The following CDH7 variants were observed in gnomAD, a reference collection of about 807,000 sequenced individuals.
CDH7 encodes cadherin-7.
CDH7 carries 25 observed loss-of-function variants against 71.8 expected under a neutral mutation model. The observed-to-expected ratio is 0.35, with a 90% CI of 0.25 to 0.49. CDH7 has a LOEUF of 0.49. Among genes scored for constraint, CDH7 ranks in the 20% least tolerant of loss-of-function variants. The pLI is 0.99. For synonymous variants in CDH7, 381 were observed against 363.8 expected (o/e 1.05, Z -0.54); for missense variants, 862 against 974.6 (o/e 0.88, Z 1.54).
At chr18:65,760,166 A>G (rs546627253) in intron 1 of CDH7, among the ~76,000 whole-genome samples, 2 of 152,262 alleles carry the variant, frequency 1.3e-5, no homozygotes, top group East Asian at 3.9e-4. Context: ...TTAAAAATAC[A>G]TTTTTGATTG....
rs145053744 is a variant in CDH7 at position 65,817,815 on chromosome 18, C to G, written c.625+3211C>G. Reference sequence around the variant, plus strand: ...TTATATGAAATTCATTTATAATTTGCATTGCAGTATTTAAACTATTATCAT... The same window carrying G: ...TTATATGAAATTCATTTATAATTTGGATTGCAGTATTTAAACTATTATCAT... On this transcript the variant is annotated intron_variant, in intron 4 of 11. Transcript: ENST00000397968. 2.8e-3 allele frequency among the ~76,000 whole-genome samples: 419 copies of G among 152,236 alleles called. 4 individuals are homozygous for G. The highest frequency in any genetic ancestry group is 9.6e-3 in the African/African-American group (397 of 41,544).
chr18:65,781,823 T>TTCC (rs1910227839), intron 2 of CDH7, among the ~76,000 whole-genome samples: 3 of 35,598 alleles, frequency 8.4e-5, no homozygotes, highest in Admixed American at 2.9e-4. Context: ...TCCTTCCTTC[T>TTCC]TTCTTTCTTT....
At chr18:65,789,471 GTTTGTTTTTT>G (rs1291098073) in intron 2 of CDH7, among the ~76,000 whole-genome samples, 1 of 115,076 alleles carries the variant, frequency 8.7e-6, no homozygotes, top group African/African-American at 5.5e-5. Flanking sequence ...CTATTTTTTT[GTTTGTTTTTT>G]TTTGTTTGTT....
At chr18:65,879,492 GT>G (rs1346287278) in intron 11 of CDH7, among the ~76,000 whole-genome samples, 6 of 152,092 alleles carry the variant, frequency 3.9e-5, no homozygotes, top group African/African-American at 1.4e-4. Flanking sequence ...TTTCATTGTA[GT>G]TTAGTTGAAG....
At chr18:65,778,827 A>G (rs1037059352) in intron 2 of CDH7, among the ~76,000 whole-genome samples, 4 of 151,866 alleles carry the variant, frequency 2.6e-5, no homozygotes, top group Non-Finnish European at 5.9e-5. Context: ...ACGTCCCCAC[A>G]AAACACACTC....
intron 1 of CDH7, among the ~76,000 whole-genome samples, chr18:65,754,271 T>G (rs1915970447): frequency 6.6e-6 from 1 of 152,186 alleles, no homozygotes; most frequent in African/African-American, 2.4e-5. Context: ...TCTTTCTGTG[T>G]TTGATAACCA....
chr18:65,850,580 TTTATTATTA>T (rs138534553), intron 7 of CDH7, among the ~76,000 whole-genome samples: 2,045 of 147,732 alleles, frequency 0.014, 43 homozygotes, highest in African/African-American at 0.039. Context: ...CTGCAGAGGT[TTTATTATTA>T]TTATTATTAT....
At chr18:65,823,675 G>A in intron 5 of CDH7, among the ~76,000 whole-genome samples, 1 of 151,876 alleles carries the variant, frequency 6.6e-6, no homozygotes, top group East Asian at 1.9e-4. Flanking sequence ...TATTCACAAA[G>A]TCTAGAAAAT....
Position 65,781,986 on chromosome 18 carries a change from CTT to C in CDH7, c.210+18936_210+18937del, listed in dbSNP as rs1568182090. ...TTTCTCTCTCTCTCTCTCTCTCTCT[CTT>C]TCTCTCTTTCTCTCTTTCTCTCTTT... On this transcript the variant is annotated intron_variant, in intron 2 of 11. Transcript: ENST00000397968. Among the ~76,000 whole-genome samples, 12 of 73,464 alleles carry C rather than the reference CTT, an allele frequency of 1.6e-4. 1 individual carries two copies. The highest frequency in any genetic ancestry group is 4.9e-4 in the African/African-American group (5 of 10,298). 48.2% of individuals were successfully genotyped at this position (73,464 alleles called of 152,430 possible).
rs1914242744 is a variant in CDH7 at position 65,881,906 on chromosome 18, T to A, written c.*1012T>A. 1 of 152,150 alleles carries A rather than the reference T, an allele frequency of 6.6e-6. No individual in the cohort carries two copies. The highest frequency in any genetic ancestry group is 1.5e-5 in the Non-Finnish European group (1 of 68,020). 9.4% of individuals were successfully genotyped at this position (152,150 alleles called of 1,614,324 possible). ...GAGCACAGCTACAAGGACATATAAA[T>A]TGTTCTTCTGAGCCATTAGAATGTC... On this transcript the variant is annotated 3_prime_UTR_variant, in exon 12 of 12. Transcript: ENST00000397968.
intron 2 of CDH7, among the ~76,000 whole-genome samples, chr18:65,782,116 T>G (rs369797992): frequency 2.2e-5 from 1 of 45,204 alleles, no homozygotes; most frequent in African/African-American, 2.0e-4. Context: ...CCTTCTTTCT[T>G]TCTTTCTTTC....
At chr18:65,825,728 G>A (rs1443734605) in intron 6 of CDH7, among the ~76,000 whole-genome samples, 4 of 151,684 alleles carry the variant, frequency 2.6e-5, no homozygotes, top group African/African-American at 9.7e-5. Flanking sequence ...TTTGTTATAG[G>A]AAAACATATG....
chr18:65,847,666 C>A (rs1006320353), intron 7 of CDH7, among the ~76,000 whole-genome samples: 22 of 152,030 alleles, frequency 1.4e-4, no homozygotes, highest in Admixed American at 1.1e-3. Context: ...GACTGGGGCA[C>A]CTATATGACT....
intron 5 of CDH7, 117 bp downstream of exon 5, chr18:65,822,365 TTC>T: frequency 1.3e-6 from 1 of 752,088 alleles, no homozygotes; most frequent in Non-Finnish European, 2.1e-6. Flanking sequence ...TCTTACTTCA[TTC>T]TCTCAAATTT....
rs1914394659 is a variant in CDH7, at chr18:65,887,236, A to G, written c.*6342A>G. The G allele has an allele frequency of 2.6e-5, 4 of 152,130 alleles. No homozygotes were observed. The highest frequency in any genetic ancestry group is 2.6e-4 in the Admixed American group (4 of 15,264). The allele number at this position is 152,130 out of a possible 1,614,324, so 9.4% of individuals were successfully genotyped here. ...ATCTGGAATATGTTGTATACTGTAT[A>G]TGACCAATACTTTAAGAACAATCAA... On this transcript the variant is annotated 3_prime_UTR_variant, in exon 12 of 12. Transcript: ENST00000397968.
chr18:65,762,769 A>G lies in CDH7; in HGVS notation c.-74A>G. 1.5e-6 allele frequency: 2 copies of G among 1,301,530 alleles called. No individual in the cohort carries two copies. Among genetic ancestry groups the G allele is most frequent in the South Asian group, 1.4e-5 (1 of 72,450 alleles). The allele number at this position is 1,301,530 out of a possible 1,614,324, so 80.6% of individuals were successfully genotyped here. ...CACCCTGCCGGAGGCAAGAGCTACTAAGCCAACTGGAACTGTGCCTTTTCT... is the reference window on the plus strand; with the variant it reads ...CACCCTGCCGGAGGCAAGAGCTACTGAGCCAACTGGAACTGTGCCTTTTCT... On this transcript the variant is annotated 5_prime_UTR_variant, in exon 2 of 12. Coordinates refer to ENST00000397968, the MANE Select transcript of CDH7 (RefSeq NM_004361.5).
chr18:65,877,758 A>G (rs555890622), intron 11 of CDH7, among the ~76,000 whole-genome samples: 9 of 152,226 alleles, frequency 5.9e-5, no homozygotes, highest in African/African-American at 1.4e-4. Context: ...CTTTCTTTCT[A>G]CTACAATTGC....
rs1163186325 is a variant in CDH7 at position 65,844,008 on chromosome 18, G to C, written c.1178G>C (p.Gly393Ala). The change falls in exon 7 of 12, where the codon GGG becomes GCG. Residue 393 changes from glycine (G) to alanine (A), a missense_variant. Coordinates refer to ENST00000397968, the MANE Select transcript of CDH7 (RefSeq NM_004361.5). ...PMEVSEATQV[G>A]NIIGTVAAHD... ...GAGGTGTCGGAAGCTACCCAGGTTG[G>C]GAATATCATTGGCACTGTAGCAGCT... 1.9e-6 allele frequency: 3 copies of C among 1,612,658 alleles called. No individual in the cohort carries two copies. Among genetic ancestry groups the C allele is most frequent in the Admixed American group, 3.3e-5 (2 of 59,876 alleles).
Position 65,888,447 on chromosome 18 carries a change from C to G in CDH7, c.*7553C>G, listed in dbSNP as rs1251768468. On this transcript the variant is annotated 3_prime_UTR_variant, in exon 12 of 12. Coordinates refer to ENST00000397968, the MANE Select transcript of CDH7 (RefSeq NM_004361.5). ...CTACAATGAAGACTTCTGTTGTCAT[C>G]ATTCTCAGCTGTGATGGTGGCGCCA... The G allele has an allele frequency of 6.6e-6, 1 of 152,174 alleles. No individual in the cohort carries two copies. The highest frequency in any genetic ancestry group is 1.9e-4 in the East Asian group (1 of 5,192). The allele number at this position is 152,174 out of a possible 1,614,324, so 9.4% of individuals were successfully genotyped here.
Sources: gnomAD v4.1 joint callset for allele counts (sites outside exome capture counted in the v4.1 genomes callset) on GRCh38, gnomAD v4.1.1 for gene constraint, MANE v1.5 for transcripts, NCBI Gene and HGNC (gene_info 2026-07-23, HGNC 2026-07-21) for gene names.